LARS2: variants seen among roughly 807,000 people sequenced by gnomAD.
The protein encoded by LARS2 is leucyl-tRNA synthetase 2, mitochondrial.
Under a neutral mutation model 116.6 loss-of-function variants are expected in LARS2, and 81 were observed. The observed-to-expected ratio is 0.69, with a 90% confidence interval of 0.58 to 0.84. The LOEUF (loss-of-function observed/expected upper bound fraction) is 0.84. LARS2 is among the 40% of genes least tolerant of loss of function. The pLI is 0.00. For missense variants in LARS2, 968 were observed against 1,114.5 expected, an observed-to-expected ratio of 0.87 and a Z score of 1.87; for synonymous variants, 396 against 407.2, an observed-to-expected ratio of 0.97 and a Z score of 0.33.
intron 6 of LARS2, among the ~76,000 whole-genome samples, chr3:45,438,059 T>A (rs575124043): frequency 2.2e-4 from 34 of 152,302 alleles, no homozygotes; most frequent in African/African-American, 7.9e-4. Flanking sequence ...AGCCCACATT[T>A]GGTAATAACT....
intron 4 of LARS2, among the ~76,000 whole-genome samples, chr3:45,415,899 A>AGGGG (rs1559461439): frequency 0.01 from 1,227 of 120,168 alleles, 35 homozygotes; most frequent in African/African-American, 0.015. Flanking sequence ...AGAGGGAGAG[A>AGGGG]GAGAGAGAGA....
At chr3:45,532,492 G>GA (rs573250837) in intron 20 of LARS2, among the ~76,000 whole-genome samples, 135 of 151,822 alleles carry the variant, frequency 8.9e-4, no homozygotes, top group Admixed American at 1.8e-3. Context: ...TTCTGTTTGG[G>GA]AAAAAAAATC....
At chr3:45,534,111 C>G (rs1700663990) in intron 20 of LARS2, among the ~76,000 whole-genome samples, 1 of 152,174 alleles carries the variant, frequency 6.6e-6, no homozygotes, top group Admixed American at 6.5e-5. Context: ...AGATCTATAG[C>G]AACTCATTTT....
At chr3:45,399,942 ACTG>A (rs936920077) in intron 3 of LARS2, among the ~76,000 whole-genome samples, 11 of 152,200 alleles carry the variant, frequency 7.2e-5, no homozygotes, top group African/African-American at 2.6e-4. Context: ...CACCCAGGTC[ACTG>A]CAAATACTGT....
intron 8 of LARS2, among the ~76,000 whole-genome samples, chr3:45,460,897 C>T (rs1699311084): frequency 6.6e-6 from 1 of 151,870 alleles, no homozygotes; most frequent in Non-Finnish European, 1.5e-5. Context: ...CTGAGTGGTT[C>T]AAAAGGAACT....
intron 4 of LARS2, among the ~76,000 whole-genome samples, chr3:45,408,535 C>T (rs1469080651): frequency 1.3e-5 from 2 of 152,238 alleles, no homozygotes; most frequent in Admixed American, 1.3e-4. Flanking sequence ...AGCTGGCCCC[C>T]TCCTGGTTTT....
rs148874381 is a variant in LARS2 at position 45,411,229 on chromosome 3, C to G, written c.364-6253C>G. On this transcript the variant is annotated intron_variant, in intron 4 of 21. Coordinates refer to ENST00000645846, the MANE Select transcript of LARS2 (RefSeq NM_015340.4). The stretch of plus-strand genomic sequence containing the variant: ...AAGAGTTGCAGCCGAGGCCCTGACT[C>G]ACTGGCCCTGCCGGCATTTATTCAG... 1.2e-3 allele frequency among the ~76,000 whole-genome samples: 179 copies of G among 152,300 alleles called. 1 individual carries two copies. The highest frequency in any genetic ancestry group is 3.3e-3 in the African/African-American group (139 of 41,570).
intron 3 of LARS2, 121 bp downstream of exon 3, chr3:45,394,808 T>C: frequency 1.5e-6 from 1 of 663,234 alleles, no homozygotes; most frequent in East Asian, 2.7e-5. Flanking sequence ...AATTGTTGAA[T>C]TTCTCTGTGC....
intron 20 of LARS2, among the ~76,000 whole-genome samples, chr3:45,536,380 A>C (rs1700705299): frequency 6.6e-6 from 1 of 152,230 alleles, no homozygotes; most frequent in South Asian, 2.1e-4. Context: ...AAGTGCTAGG[A>C]TTATAGGCGT....
chr3:45,488,218 A>G (rs1699849302), intron 11 of LARS2, among the ~76,000 whole-genome samples: 1 of 152,194 alleles, frequency 6.6e-6, no homozygotes, highest in Non-Finnish European at 1.5e-5. Flanking sequence ...CGATCACTTG[A>G]GGTCAGGAGT....
chr3:45,450,126 A>G (rs993654936), intron 7 of LARS2, among the ~76,000 whole-genome samples: 2 of 152,214 alleles, frequency 1.3e-5, no homozygotes, highest in Non-Finnish European at 2.9e-5. Flanking sequence ...TTAAATTAAT[A>G]TATCATAGTT....
chr3:45,441,320 C>A (rs375529206), intron 6 of LARS2, among the ~76,000 whole-genome samples: 1 of 152,198 alleles, frequency 6.6e-6, no homozygotes, highest in Non-Finnish European at 1.5e-5. Flanking sequence ...CCATTGCACC[C>A]GGCCCATCAC....
intron 4 of LARS2, among the ~76,000 whole-genome samples, chr3:45,411,830 C>T (rs111422026): frequency 0.12 from 17,929 of 152,052 alleles, 1,287 homozygotes; most frequent in Middle Eastern, 0.18. Context: ...TTTTTCTGCT[C>T]CTCTCCCTCC....
intron 6 of LARS2, among the ~76,000 whole-genome samples, chr3:45,432,889 G>A (rs1184977578): frequency 6.6e-6 from 1 of 151,952 alleles, no homozygotes; most frequent in African/African-American, 2.4e-5. Context: ...GTGTCTTCCT[G>A]GTGATTTACC....
chr3:45,475,876 C>T (rs1357818008), intron 9 of LARS2, among the ~76,000 whole-genome samples: 1 of 152,188 alleles, frequency 6.6e-6, no homozygotes, highest in East Asian at 1.9e-4. Flanking sequence ...AGCACCTGTC[C>T]ACTCTGTGTC....
chr3:45,414,076 C>T (rs1046341217), intron 4 of LARS2, among the ~76,000 whole-genome samples: 1 of 152,188 alleles, frequency 6.6e-6, no homozygotes, highest in African/African-American at 2.4e-5. Context: ...CCTGTAGTTG[C>T]ACTTCTAGAA....
In LARS2 at chr3:45,519,427, G is replaced by C. The variant is rs546029312; in HGVS notation, c.2215-792G>C. ...AATCACTTGAACCTGGGAGGCAGAG[G>C]TTGCAGTGAGCTGAGATCGCACCAC... On this transcript the variant is annotated intron_variant, in intron 18 of 21. Transcript: ENST00000645846. Among the ~76,000 whole-genome samples, 35 of 147,276 alleles carry C rather than the reference G, an allele frequency of 2.4e-4. 2 individuals are homozygous for C. The South Asian group carries it at 7.7e-3, about 33-fold the overall frequency.
rs147610011 is a variant in LARS2 at position 45,471,753 on chromosome 3, A to T, written c.751-2490A>T. On this transcript the variant is annotated intron_variant, in intron 8 of 21. Transcript: ENST00000645846. ...CATTGGTCTTTGGAGAGGAAAAGCT[A>T]TTGGTCATTTTCAAAGTTTATAATA... Among the ~76,000 whole-genome samples, 1,308 of 152,302 alleles carry T rather than the reference A, an allele frequency of 8.6e-3. 16 individuals carry two copies. The highest frequency in any genetic ancestry group is 0.022 in the African/African-American group (921 of 41,558).
chr3:45,545,000 C>T (rs976974586), intron 21 of LARS2, among the ~76,000 whole-genome samples: 2 of 152,100 alleles, frequency 1.3e-5, no homozygotes, highest in African/African-American at 4.8e-5. Flanking sequence ...CCTCAGAGGA[C>T]AGGGGGCTAC....
Sources: allele counts gnomAD v4.1 joint callset (sites outside exome capture counted in the v4.1 genomes callset), GRCh38; gene constraint gnomAD v4.1.1; transcripts MANE v1.5; gene names NCBI Gene and HGNC (gene_info 2026-07-23, HGNC 2026-07-21).